The following DOCK4 variants were observed in gnomAD, a reference collection of about 807,000 sequenced individuals.
The protein encoded by DOCK4 is dedicator of cytokinesis protein 4.
Under a neutral mutation model 268.1 loss-of-function variants are expected in DOCK4, and 97 were observed. The observed-to-expected ratio is 0.36, with a 90% confidence interval of 0.31 to 0.43. The LOEUF (loss-of-function observed/expected upper bound fraction) is 0.43, where lower values mean the gene tolerates loss of function less well. DOCK4 is among the 20% of genes least tolerant of loss of function. The probability of loss-of-function intolerance (pLI) is 1.00; values close to 1 mark genes in which losing one functional copy is unlikely to be tolerated. For missense variants in DOCK4, 2,145 were observed against 2,455.7 expected (o/e 0.87, Z 2.67); for synonymous variants, 954 against 887.2 (o/e 1.08, Z -1.34).
At chr7:111,800,113 AC>A (rs1403109518) in intron 30 of DOCK4, among the ~76,000 whole-genome samples, 2 of 152,176 alleles carry the variant, frequency 1.3e-5, no homozygotes, top group East Asian at 3.8e-4. Flanking sequence ...TAAGTTTAAT[AC>A]GACTTTTTTA....
chr7:112,032,838 A>G (rs1170943448), intron 1 of DOCK4, among the ~76,000 whole-genome samples: 1 of 152,168 alleles, frequency 6.6e-6, no homozygotes, highest in Non-Finnish European at 1.5e-5. Context: ...TCCACTGAAT[A>G]ATTTTCTCTA....
chr7:112,199,641 A>G (rs531070372), intron 1 of DOCK4, among the ~76,000 whole-genome samples: 1 of 152,306 alleles, frequency 6.6e-6, no homozygotes, highest in South Asian at 2.1e-4. Context: ...CTTTTTTAAT[A>G]AAACAAGTTA....
chr7:111,732,201 C>A, intron 52 of DOCK4, 25 bp downstream of exon 52: 1 of 1,612,412 alleles, frequency 6.2e-7, no homozygotes. Context: ...CAGTCTCTAG[C>A]CTCAGTCGAA....
chr7:111,930,861 G>A (rs542655651), intron 12 of DOCK4, among the ~76,000 whole-genome samples: 26 of 152,294 alleles, frequency 1.7e-4, no homozygotes, highest in African/African-American at 4.1e-4. Flanking sequence ...AATGATCTAC[G>A]TAGACTGAAG....
At chr7:111,870,956 T>C (rs1806376793) in intron 20 of DOCK4, among the ~76,000 whole-genome samples, 1 of 152,182 alleles carries the variant, frequency 6.6e-6, no homozygotes, top group Non-Finnish European at 1.5e-5. Flanking sequence ...TGCGGTTGCA[T>C]TTCACTCTCA....
chr7:112,201,029 C>T (rs1269097414), intron 1 of DOCK4, among the ~76,000 whole-genome samples: 1 of 152,132 alleles, frequency 6.6e-6, no homozygotes, highest in African/African-American at 2.4e-5. Flanking sequence ...TATTATTTAG[C>T]TTTACATGCT....
chr7:111,965,010 G>T (rs1274967152), intron 8 of DOCK4, among the ~76,000 whole-genome samples: 1 of 52,224 alleles, frequency 1.9e-5, no homozygotes, highest in Non-Finnish European at 3.0e-5. Flanking sequence ...AATGCTGAGA[G>T]ATTTTGTCAC....
At chr7:111,859,459 A>C (rs1805297124) in intron 23 of DOCK4, among the ~76,000 whole-genome samples, 1 of 152,100 alleles carries the variant, frequency 6.6e-6, no homozygotes, top group African/African-American at 2.4e-5. Context: ...GGATACAGTT[A>C]TCTCTGGGAA....
intron 1 of DOCK4, among the ~76,000 whole-genome samples, chr7:112,125,236 T>TC (rs796496218): frequency 6.6e-6 from 1 of 152,004 alleles, no homozygotes; most frequent in Non-Finnish European, 1.5e-5. Context: ...GAGACAATGC[T>TC]CCCCCCCTGC....
At chr7:112,047,882 G>A (rs1804963902) in intron 1 of DOCK4, among the ~76,000 whole-genome samples, 1 of 151,986 alleles carries the variant, frequency 6.6e-6, no homozygotes, top group Non-Finnish European at 1.5e-5. Flanking sequence ...GTAGAAATGG[G>A]GTCTCGCTAT....
Position 112,149,596 on chromosome 7 carries a change from GA to G in DOCK4, c.37+56505del, listed in dbSNP as rs575592612. ...CAGAAAATAAAAGAAGACTATCAAA[GA>G]AGAGAAGATCAACCATCCCATCATG... On this transcript the variant is annotated intron_variant, in intron 1 of 52. Coordinates refer to ENST00000428084, the MANE Select transcript of DOCK4 (RefSeq NM_001363540.2). Among the ~76,000 whole-genome samples, 394 of 151,852 alleles carry G rather than the reference GA, an allele frequency of 2.6e-3. 1 individual carries two copies. Among genetic ancestry groups the G allele is most frequent in the African/African-American group, 9.0e-3 (373 of 41,460 alleles).
chr7:111,973,586 T>G (rs576617401), intron 8 of DOCK4, among the ~76,000 whole-genome samples: 1 of 152,152 alleles, frequency 6.6e-6, no homozygotes, highest in South Asian at 2.1e-4. Flanking sequence ...TGTTTATGAG[T>G]CAATGGGGGA....
At chr7:111,963,484 T>C (rs1281971542) in intron 8 of DOCK4, among the ~76,000 whole-genome samples, 2 of 98,470 alleles carry the variant, frequency 2.0e-5, no homozygotes, top group African/African-American at 5.8e-5. Flanking sequence ...CACCCGAATA[T>C]TGCGCTTTTC....
chr7:111,792,623 T>G (rs1799628518), intron 30 of DOCK4, among the ~76,000 whole-genome samples: 2 of 152,148 alleles, frequency 1.3e-5, no homozygotes, highest in Non-Finnish European at 2.9e-5. Flanking sequence ...CCTCAGGTGA[T>G]CCACCCGCCT....
intron 1 of DOCK4, among the ~76,000 whole-genome samples, chr7:112,128,263 C>T (rs572962044): frequency 4.6e-5 from 7 of 151,784 alleles, no homozygotes; most frequent in African/African-American, 1.7e-4. Flanking sequence ...GCCCCTCTGC[C>T]CGGCCAGCCG....
At chr7:112,121,634 G>C (rs1036095558) in intron 1 of DOCK4, among the ~76,000 whole-genome samples, 2 of 152,184 alleles carry the variant, frequency 1.3e-5, no homozygotes, top group African/African-American at 4.8e-5. Flanking sequence ...AGAGAGAATA[G>C]CAACAAATTG....
intron 1 of DOCK4, among the ~76,000 whole-genome samples, chr7:112,099,236 G>A (rs1810442522): frequency 6.6e-6 from 1 of 150,660 alleles, no homozygotes; most frequent in Admixed American, 6.6e-5. Context: ...AGGTGGCAGT[G>A]AGCTGAGTTC....
intron 1 of DOCK4, among the ~76,000 whole-genome samples, chr7:112,113,089 GAAC>G (rs1811814033): frequency 6.6e-6 from 1 of 152,138 alleles, no homozygotes; most frequent in South Asian, 2.1e-4. Flanking sequence ...TGCAAATAAA[GAAC>G]AACAACAAAT....
At chr7:111,864,367 T>C (rs1159125660) in intron 22 of DOCK4, among the ~76,000 whole-genome samples, 1 of 152,134 alleles carries the variant, frequency 6.6e-6, no homozygotes, top group Non-Finnish European at 1.5e-5. Flanking sequence ...ATCAGCCTTT[T>C]AAAATTCCAT....
Sources: gnomAD v4.1 joint callset for allele counts (sites outside exome capture counted in the v4.1 genomes callset) on GRCh38, gnomAD v4.1.1 for gene constraint, MANE v1.5 for transcripts, NCBI Gene and HGNC (gene_info 2026-07-23, HGNC 2026-07-21) for gene names.